The following CCSER1 variants were observed in gnomAD, a reference collection of about 807,000 sequenced individuals.
CCSER1 encodes coiled-coil serine rich protein 1, also known as serine-rich coiled-coil domain-containing protein 1.
Under a neutral mutation model 82.0 loss-of-function variants are expected in CCSER1, and 41 were observed. That is an observed-to-expected ratio of 0.50 (90% CI 0.39 to 0.65). CCSER1 has a LOEUF of 0.65. CCSER1 is among the 30% of genes least tolerant of loss of function. The probability of loss-of-function intolerance (pLI) is 0.00; values close to 1 mark genes in which losing one functional copy is unlikely to be tolerated. For synonymous variants in CCSER1, 414 were observed against 383.9 expected, an observed-to-expected ratio of 1.08 and a Z score of -0.92; for missense variants, 1,119 against 1,064.2, an observed-to-expected ratio of 1.05 and a Z score of -0.72.
intron 5 of CCSER1, among the ~76,000 whole-genome samples, chr4:90,622,472 A>G (rs1579533756): frequency 6.6e-6 from 1 of 151,968 alleles, no homozygotes; most frequent in Non-Finnish European, 1.5e-5. Context: ...CCTGTGTCCA[A>G]GTGTTCTCAT....
At chr4:90,973,067 G>A (rs1735270745) in intron 9 of CCSER1, among the ~76,000 whole-genome samples, 1 of 151,716 alleles carries the variant, frequency 6.6e-6, no homozygotes, top group Non-Finnish European at 1.5e-5. Context: ...ACTGCTAGAA[G>A]AAATATAGAG....
At chr4:91,578,833 G>A (rs1763587306) in intron 10 of CCSER1, among the ~76,000 whole-genome samples, 1 of 151,830 alleles carries the variant, frequency 6.6e-6, no homozygotes, top group African/African-American at 2.4e-5. Flanking sequence ...TTTGTTATTA[G>A]GTTGATATGC....
intron 1 of CCSER1, among the ~76,000 whole-genome samples, chr4:90,278,408 A>G (rs1022570803): frequency 1.3e-5 from 2 of 152,194 alleles, no homozygotes; most frequent in Non-Finnish European, 2.9e-5. Flanking sequence ...TCATAATACA[A>G]AAAACATAGA....
intron 8 of CCSER1, among the ~76,000 whole-genome samples, chr4:90,885,442 A>G (rs1297266426): frequency 6.6e-6 from 1 of 152,206 alleles, no homozygotes; most frequent in African/African-American, 2.4e-5. Context: ...GACCTGCCCT[A>G]TATAGTAACA....
chr4:90,953,508 A>G (rs1733131047), intron 9 of CCSER1, among the ~76,000 whole-genome samples: 1 of 151,552 alleles, frequency 6.6e-6, no homozygotes, highest in African/African-American at 2.4e-5. Flanking sequence ...TAGATATACA[A>G]TTATTTTTAA....
At chr4:91,436,875 A>G (rs1754687789) in intron 10 of CCSER1, among the ~76,000 whole-genome samples, 1 of 152,344 alleles carries the variant, frequency 6.6e-6, no homozygotes. Flanking sequence ...TTCCAAAAGT[A>G]TTTATTGAAA....
chr4:90,963,424 A>G (rs571239215), intron 9 of CCSER1, among the ~76,000 whole-genome samples: 1 of 152,160 alleles, frequency 6.6e-6, no homozygotes, highest in South Asian at 2.1e-4. Flanking sequence ...TTTTTTTGTT[A>G]TGGACTGATT....
At chr4:90,950,858 A>G (rs963193423) in intron 9 of CCSER1, among the ~76,000 whole-genome samples, 4 of 152,032 alleles carry the variant, frequency 2.6e-5, no homozygotes, top group Non-Finnish European at 5.9e-5. Flanking sequence ...TTTGTCCCAT[A>G]CTTTTAGAGA....
At chr4:91,319,661 T>A (rs1746061405) in intron 10 of CCSER1, 1 of 455,684 alleles carries the variant, frequency 2.2e-6, no homozygotes, top group Non-Finnish European at 4.4e-6. Flanking sequence ...CAAAACCCAG[T>A]CTGTGATTCT....
intron 10 of CCSER1, among the ~76,000 whole-genome samples, chr4:91,115,811 T>TC (rs1371752039): frequency 2.0e-5 from 2 of 97,978 alleles, no homozygotes; most frequent in East Asian, 3.3e-4. Flanking sequence ...TTTTTCTTTT[T>TC]TTTTTTTTTT....
chr4:91,335,368 A>C (rs1042046488), intron 10 of CCSER1, among the ~76,000 whole-genome samples: 1 of 152,216 alleles, frequency 6.6e-6, no homozygotes, highest in East Asian at 1.9e-4. Context: ...AACTCCCTAA[A>C]GCTTACCTGT....
chr4:90,128,721 G>A (rs1722294839), intron 1 of CCSER1, among the ~76,000 whole-genome samples: 1 of 152,144 alleles, frequency 6.6e-6, no homozygotes. Context: ...GCTGAGCCTT[G>A]CTGATGTAAA....
chr4:91,500,357 T>C (rs1446534659), intron 10 of CCSER1, among the ~76,000 whole-genome samples: 1 of 152,116 alleles, frequency 6.6e-6, no homozygotes, highest in Non-Finnish European at 1.5e-5. Context: ...GAGTTATTTA[T>C]ATATTTTGGA....
At chr4:91,429,194 T>C (rs1433086560) in intron 10 of CCSER1, among the ~76,000 whole-genome samples, 2 of 151,972 alleles carry the variant, frequency 1.3e-5, no homozygotes, top group Non-Finnish European at 2.9e-5. Flanking sequence ...AATCCTACCT[T>C]ATTTCTCCCT....
At chr4:90,562,965 A>G (rs941473679) in intron 5 of CCSER1, among the ~76,000 whole-genome samples, 2 of 151,690 alleles carry the variant, frequency 1.3e-5, no homozygotes, top group East Asian at 3.9e-4. Flanking sequence ...GTATACTTGT[A>G]TTTAGCTTAG....
chr4:90,928,213 G>T (rs1364054981), intron 9 of CCSER1, among the ~76,000 whole-genome samples: 1 of 151,818 alleles, frequency 6.6e-6, no homozygotes, highest in Non-Finnish European at 1.5e-5. Flanking sequence ...TTGCTTATGG[G>T]CTATAATTTT....
At chr4:90,536,940 C>G (rs1355495799) in intron 5 of CCSER1, among the ~76,000 whole-genome samples, 1 of 152,130 alleles carries the variant, frequency 6.6e-6, no homozygotes. Context: ...AGTGAATTTT[C>G]TCGTTTGTTC....
Position 91,366,024 on chromosome 4 carries a change from G to A in CCSER1, c.2218-232548G>A, listed in dbSNP as rs115145109. On this transcript the variant is annotated intron_variant, in intron 10 of 10. Coordinates refer to ENST00000509176, the MANE Select transcript of CCSER1 (RefSeq NM_001145065.2). The stretch of plus-strand genomic sequence containing the variant: ...TTCTTCTGAACTCTCACCTTCTTTG[G>A]GGGGTAGGGGTGAGATGGAGTTTTG... Among the ~76,000 whole-genome samples the A allele has an allele frequency of 6.2e-3, 939 of 152,064 alleles. 14 individuals carry two copies. The highest frequency in any genetic ancestry group is 0.021 in the African/African-American group (877 of 41,450).
At chr4:90,832,959 A>G (rs1761318652) in intron 8 of CCSER1, among the ~76,000 whole-genome samples, 1 of 152,224 alleles carries the variant, frequency 6.6e-6, no homozygotes, top group South Asian at 2.1e-4. Context: ...AGAGAGCAGG[A>G]AGATATTAAG....
Sources: gnomAD v4.1 joint callset for allele counts (sites outside exome capture counted in the v4.1 genomes callset) on GRCh38, gnomAD v4.1.1 for gene constraint, MANE v1.5 for transcripts, NCBI Gene and HGNC (gene_info 2026-07-23, HGNC 2026-07-21) for gene names.